PXDC1: variants seen among roughly 807,000 people sequenced by gnomAD.
PXDC1 encodes the protein PX domain-containing protein 1.
A neutral mutation model predicts 24.4 loss-of-function variants in PXDC1; 13 were observed. The observed-to-expected ratio is 0.53, with a 90% CI of 0.35 to 0.85. The LOEUF is 0.85. PXDC1 is among the 40% of genes least tolerant of loss of function. PXDC1 has a pLI of 0.01. For synonymous variants in PXDC1, 162 were observed against 124.9 expected, an observed-to-expected ratio of 1.30 and a Z score of -1.98; for missense variants, 344 against 309.3, an observed-to-expected ratio of 1.11 and a Z score of -0.84.
Position 3,751,312 on chromosome 6 carries a change from C to A in PXDC1, c.220G>T (p.Asp74Tyr). 2 of 1,547,024 alleles carry A rather than the reference C, an allele frequency of 1.3e-6. No individual in the cohort carries two copies. The highest frequency in any genetic ancestry group is 8.7e-7 in the Non-Finnish European group (1 of 1,151,776). ...GGCCCCTGCGCCAGTTCGGACCGGT[C>A]CTCGGGAAAGGCGTCGCGCAGGCGC... ...WQRLRDAFPE[D>Y]RSELAQGPLR... is the part of the protein sequence containing the mutation. The change falls in exon 1 of 5, where the codon GAC becomes TAC. Residue 74 changes from aspartate (D) to tyrosine (Y), a missense_variant. Transcript: ENST00000380283.
In PXDC1 at chr6:3,725,704, C is replaced by CA. The variant is rs1760048412; in HGVS notation, c.578+1846dup. ...GTGCTCTTGGTCGCTGTCAACCCCCCACCCGACAGCCGGTGCCGTGTAGAA... is the reference window on the plus strand; with the variant it reads ...GTGCTCTTGGTCGCTGTCAACCCCCCAACCCGACAGCCGGTGCCGTGTAGAA... On this transcript the variant is annotated intron_variant, in intron 4 of 4. Transcript: ENST00000380283. This position sits in a 1 kb window ranked among gnomAD's most constrained non-coding sequence, Gnocchi z 4.8. Among the ~76,000 whole-genome samples, 2 of 152,214 alleles carry CA rather than the reference C, an allele frequency of 1.3e-5. No individual in the cohort carries two copies. The highest frequency in any genetic ancestry group is 2.9e-5 in the Non-Finnish European group (2 of 68,024).
intron 3 of PXDC1, among the ~76,000 whole-genome samples, chr6:3,730,139 C>G (rs373676867): frequency 1.7e-4 from 26 of 152,124 alleles, no homozygotes; most frequent in South Asian, 2.1e-4. Context: ...GTCTCAGGCC[C>G]GGCCCAGAGA....
rs1002513367 is a variant in PXDC1 at position 3,724,381 on chromosome 6, G to A, written c.579-645C>T. 7.2e-5 allele frequency among the ~76,000 whole-genome samples: 11 copies of A among 152,130 alleles called. No individual in the cohort carries two copies. The highest frequency in any genetic ancestry group is 2.4e-4 in the African/African-American group (10 of 41,398). On this transcript the variant is annotated intron_variant, in intron 4 of 4. Transcript: ENST00000380283. The surrounding 1 kb of genome is among the most constrained non-coding windows in gnomAD (Gnocchi z 4.5). Reference sequence around the variant, plus strand: ...ATACAAACCCCAAACATAAGGGGACGTAAAAGCCCGCGATACTGACTCCCC... The same window carrying A: ...ATACAAACCCCAAACATAAGGGGACATAAAAGCCCGCGATACTGACTCCCC...
Position 3,739,789 on chromosome 6 carries a change from A to G in PXDC1, c.257-1641T>C, listed in dbSNP as rs371203743. Among the ~76,000 whole-genome samples the G allele has an allele frequency of 4.9e-4, 75 of 152,320 alleles. 1 individual carries two copies. The highest frequency in any genetic ancestry group is 1.6e-3 in the African/African-American group (66 of 41,586). On this transcript the variant is annotated intron_variant, in intron 1 of 4. Transcript: ENST00000380283. ...TCCTTGCATAGAATTTCAAATATTT[A>G]TATACCGCAATTTACATAGAATTTC...
intron 1 of PXDC1, among the ~76,000 whole-genome samples, chr6:3,750,333 G>C (rs80247647): frequency 0.013 from 2,001 of 152,306 alleles, 18 homozygotes; most frequent in Middle Eastern, 0.051. Context: ...CTGGGCCACT[G>C]TCCCAATGTT....
At chr6:3,735,289 A>T (rs1760289027) in intron 3 of PXDC1, among the ~76,000 whole-genome samples, 1 of 152,246 alleles carries the variant, frequency 6.6e-6, no homozygotes, top group Non-Finnish European at 1.5e-5. Context: ...GAGAACACAG[A>T]AATAAATCGA....
intron 4 of PXDC1, 91 bp downstream of exon 4, chr6:3,727,460 C>T: frequency 1.2e-6 from 1 of 865,236 alleles, no homozygotes. Flanking sequence ...TCTGGGCACC[C>T]ACTTCCTTCC....
chr6:3,751,407 C>A lies in PXDC1; in HGVS notation c.125G>T (p.Arg42Leu), dbSNP rs751542098. The A allele has an allele frequency of 6.3e-6, 10 of 1,578,244 alleles. No individual in the cohort carries two copies. Among genetic ancestry groups the A allele is most frequent in the Non-Finnish European group, 8.6e-6 (10 of 1,163,142 alleles). ...CACGCTGCGGTCCGACCACTCCGTGCGGATCTCGAAGAACTCCTCTTCGTC... is the reference window on the plus strand; with the variant it reads ...CACGCTGCGGTCCGACCACTCCGTGAGGATCTCGAAGAACTCCTCTTCGTC... ...RGDEEEFFEI[R>L]TEWSDRSVLY... The change falls in exon 1 of 5, where the codon CGC becomes CTC. Residue 42 changes from arginine to leucine, a missense_variant. Physicochemically the swap from Arg to Leu is moderately radical, Grantham distance 102. Coordinates refer to ENST00000380283, the MANE Select transcript of PXDC1 (RefSeq NM_183373.4).
intron 4 of PXDC1, among the ~76,000 whole-genome samples, chr6:3,726,350 A>G (rs1760066266): frequency 1.3e-5 from 2 of 152,260 alleles, no homozygotes. Context: ...TGAGCTATGT[A>G]CAGTGGGGTC....
chr6:3,727,166 C>T (rs1044809520), intron 4 of PXDC1, among the ~76,000 whole-genome samples: 2 of 152,232 alleles, frequency 1.3e-5, no homozygotes, highest in Non-Finnish European at 2.9e-5. Context: ...ATACATCCTA[C>T]ACCTTCAGCA....
chr6:3,725,722 G>C lies in PXDC1; in HGVS notation c.578+1829C>G, dbSNP rs778551749. Among the ~76,000 whole-genome samples the C allele has an allele frequency of 8.5e-5, 13 of 152,356 alleles. No individual in the cohort carries two copies. The highest frequency in any genetic ancestry group is 2.0e-4 in the Admixed American group (3 of 15,310). On this transcript the variant is annotated intron_variant, in intron 4 of 4. Coordinates refer to ENST00000380283, the MANE Select transcript of PXDC1 (RefSeq NM_183373.4). This position sits in a 1 kb window ranked among gnomAD's most constrained non-coding sequence, Gnocchi z 4.8. Reference sequence around the variant, plus strand: ...AACCCCCCACCCGACAGCCGGTGCCGTGTAGAAACAGATCGTCCCTGTGAG... The same window carrying C: ...AACCCCCCACCCGACAGCCGGTGCCCTGTAGAAACAGATCGTCCCTGTGAG...
chr6:3,740,969 A>G (rs1179336015), intron 1 of PXDC1, among the ~76,000 whole-genome samples: 1 of 152,262 alleles, frequency 6.6e-6, no homozygotes, highest in Non-Finnish European at 1.5e-5. Flanking sequence ...TGCCTGGCCC[A>G]TGCCAGGGAT....
In PXDC1 at chr6:3,737,283, G is replaced by A. The variant is rs535409188; in HGVS notation, c.349-87C>T. 28 of 904,026 alleles carry A rather than the reference G, an allele frequency of 3.1e-5. No homozygotes were observed. Among genetic ancestry groups the A allele is most frequent in the East Asian group, 2.2e-4 (9 of 41,300 alleles). 56.0% of individuals were successfully genotyped at this position (904,026 alleles called of 1,614,324 possible). A position where few individuals can be genotyped will look rare whatever the true frequency, so the allele number is the denominator to read the frequency against. On this transcript the variant is annotated intron_variant, in intron 2 of 4. Transcript: ENST00000380283. This position sits in a 1 kb window ranked among gnomAD's most constrained non-coding sequence, Gnocchi z 5.5. ...TACCAAGAGAGGGCCCCGCTCCTCCGCAGAGGCAGCCTGTGTGATGCAAAC... is the reference window on the plus strand; with the variant it reads ...TACCAAGAGAGGGCCCCGCTCCTCCACAGAGGCAGCCTGTGTGATGCAAAC...
intron 4 of PXDC1, 73 bp downstream of exon 4, chr6:3,727,478 C>G: frequency 3.9e-6 from 4 of 1,035,384 alleles, no homozygotes; most frequent in Non-Finnish European, 5.9e-6. Flanking sequence ...TCCATAAGAA[C>G]AGTGAGCCCC....
rs1204012682 is a variant in PXDC1, at chr6:3,738,054, C to T, written c.348+3G>A. On this transcript the variant is annotated splice_donor_region_variant and intron_variant, in intron 2 of 4. Coordinates refer to ENST00000380283, the MANE Select transcript of PXDC1 (RefSeq NM_183373.4). ...GCCCAGCCCGGGGCCTGGCCACACT[C>T]ACTTTACAGGGCATGCTTATGATCG... is the stretch of plus-strand genomic sequence containing the variant. 1.2e-6 allele frequency: 2 copies of T among 1,613,510 alleles called. No homozygotes were observed. Among genetic ancestry groups the T allele is most frequent in the Admixed American group, 1.7e-5 (1 of 60,020 alleles).
chr6:3,751,341 C>T lies in PXDC1; in HGVS notation c.191G>A (p.Trp64Ter). The change falls in exon 1 of 5, where the codon TGG (tryptophan) becomes TAG (stop). Residue 64 changes from tryptophan to a stop codon, truncating the protein, a stop_gained. Coordinates refer to ENST00000380283, the MANE Select transcript of PXDC1 (RefSeq NM_183373.4). LOFTEE classifies it high-confidence loss of function. ...HRSLADLGRL[W>*]QRLRDAFPED... ...GGGAAAGGCGTCGCGCAGGCGCTGC[C>T]ACAGGCGGCCCAGGTCCGCCAGGCT... 6.4e-7 allele frequency: 1 copy of T among 1,553,074 alleles called. No individual in the cohort carries two copies. The highest frequency in any genetic ancestry group is 1.2e-5 in the South Asian group (1 of 84,276).
In PXDC1 at chr6:3,751,300, G is replaced by T. The variant is rs1376627410; in HGVS notation, c.232C>A (p.Leu78Met). 3.9e-6 allele frequency: 6 copies of T among 1,537,948 alleles called. No homozygotes were observed. In the East Asian group the frequency reaches 1.5e-4, roughly 38 times the overall value. Residue 78 changes from leucine (L) to methionine (M), a missense_variant, in exon 1 of 5, where the codon CTG (leucine) becomes ATG (methionine). Transcript: ENST00000380283. Reference sequence around the variant, plus strand: ...CCTTGCCGCAGCGGCCCCTGCGCCAGTTCGGACCGGTCCTCGGGAAAGGCG... The same window carrying T: ...CCTTGCCGCAGCGGCCCCTGCGCCATTTCGGACCGGTCCTCGGGAAAGGCG... ...RDAFPEDRSE[L>M]AQGPLRQGLV...
Position 3,738,000 on chromosome 6 carries a change from TG to T in PXDC1, c.348+56del. The T allele has an allele frequency of 7.1e-7, 1 of 1,403,264 alleles. No homozygotes were observed. Among genetic ancestry groups the T allele is most frequent in the Non-Finnish European group, 1.0e-6 (1 of 994,084 alleles). 86.9% of individuals were successfully genotyped at this position (1,403,264 alleles called of 1,614,324 possible). A position where few individuals can be genotyped will look rare whatever the true frequency, so the allele number is the denominator to read the frequency against. ...CGGGGGGATGGACGCCTTTCGCATT[TG>T]GGAGGTGCCAGCACCTCCCACCTCC... On this transcript the variant is annotated intron_variant, in intron 2 of 4. Transcript: ENST00000380283. The surrounding 1 kb of genome is among the most constrained non-coding windows in gnomAD (Gnocchi z 5.5).
At chr6:3,730,499 GA>G (rs1464567331) in intron 3 of PXDC1, among the ~76,000 whole-genome samples, 1 of 150,968 alleles carries the variant, frequency 6.6e-6, no homozygotes, top group Non-Finnish European at 1.5e-5. Flanking sequence ...GTAGAAATTA[GA>G]ACACGTCCAC....
Sources: allele counts gnomAD v4.1 joint callset (sites outside exome capture counted in the v4.1 genomes callset), GRCh38; gene constraint gnomAD v4.1.1; non-coding constraint Gnocchi (gnomAD v3.1); transcripts MANE v1.5; gene names NCBI Gene and HGNC (gene_info 2026-07-23, HGNC 2026-07-21).